The following FGFR3 variants were observed in gnomAD, a reference collection of about 807,000 sequenced individuals.
FGFR3 encodes the protein FGFR-3.
Under a neutral mutation model 82.9 loss-of-function variants are expected in FGFR3, and 25 were observed. The ratio of observed to expected loss-of-function variants is 0.30; its 90% confidence interval spans 0.22 to 0.42. The LOEUF is 0.42. FGFR3 is among the 10% of genes least tolerant of loss of function. The probability of loss-of-function intolerance (pLI) is 1.00; values close to 1 mark genes in which losing one functional copy is unlikely to be tolerated. For synonymous variants in FGFR3, 620 were observed against 516.0 expected (o/e 1.20, Z -2.73); for missense variants, 1,026 against 1,161.0 (o/e 0.88, Z 1.69).
Position 1,797,776 on chromosome 4 carries a change from C to G in FGFR3, c.110-1478C>G, listed in dbSNP as rs572268127. Among the ~76,000 whole-genome samples, 4 of 152,290 alleles carry G rather than the reference C, an allele frequency of 2.6e-5. 1 individual carries two copies. The highest frequency in any genetic ancestry group is 2.6e-4 in the Admixed American group (4 of 15,310). On this transcript the variant is annotated intron_variant, in intron 2 of 17. Coordinates refer to ENST00000440486, the MANE Select transcript of FGFR3 (RefSeq NM_000142.5). The stretch of plus-strand genomic sequence containing the variant: ...GCTGTGGGTCCCGGTGGGGCGAGGG[C>G]TCCTTCGGATGCTTCAGGGGATGAG...
At chr4:1,804,183 A>C (rs1384018865) in intron 8 of FGFR3, 147 bp from the exon 9 acceptor site, 2 of 916,238 alleles carry the variant, frequency 2.2e-6, no homozygotes, top group Admixed American at 5.1e-5. Context: ...GGCGTTACTG[A>C]CTGCGAGACC....
intron 2 of FGFR3, among the ~76,000 whole-genome samples, chr4:1,796,496 GTT>G (rs1720531765): frequency 1.3e-5 from 2 of 152,092 alleles, no homozygotes; most frequent in Non-Finnish European, 2.9e-5. Flanking sequence ...ACCAGAATGT[GTT>G]GTTTCCTGAC....
At chr4:1,793,619 C>G (rs1384890533) in intron 1 of FGFR3, among the ~76,000 whole-genome samples, 154 bp downstream of exon 1, 1 of 148,496 alleles carries the variant, frequency 6.7e-6, no homozygotes, top group Non-Finnish European at 1.5e-5. Context: ...CGCCGCCGCC[C>G]TGGGAGGGCT....
At chr4:1,795,229 G>A (rs1720344823) in intron 2 of FGFR3, among the ~76,000 whole-genome samples, 1 of 152,134 alleles carries the variant, frequency 6.6e-6, no homozygotes, top group Admixed American at 6.5e-5. Context: ...GGGCGGCCCC[G>A]CTTCCAGGGG....
chr4:1,805,142 C>T (rs909823105), intron 10 of FGFR3, among the ~76,000 whole-genome samples, 173 bp downstream of exon 10: 5 of 152,216 alleles, frequency 3.3e-5, no homozygotes, highest in African/African-American at 4.8e-5. Flanking sequence ...AGGGACTGCC[C>T]CTCTCAAGGT....
chr4:1,801,343 C>T, intron 4 of FGFR3, 24 bp from the exon 5 acceptor site: 1 of 1,546,858 alleles, frequency 6.5e-7, no homozygotes, highest in Non-Finnish European at 8.7e-7. Context: ...GGGTCATGGC[C>T]TTCACACGCA....
At chr4:1,798,722 G>A (rs774827713) in intron 2 of FGFR3, among the ~76,000 whole-genome samples, 13 of 152,096 alleles carry the variant, frequency 8.5e-5, no homozygotes, top group Non-Finnish European at 1.3e-4. Flanking sequence ...TACTGAGGAC[G>A]GACCCCTCCT....
Position 1,804,229 on chromosome 4 carries a change from C to A in FGFR3, c.1076-101C>A, listed in dbSNP as rs1019680629. On this transcript the variant is annotated intron_variant, in intron 8 of 17. Coordinates refer to ENST00000440486, the MANE Select transcript of FGFR3 (RefSeq NM_000142.5). ...GGCGCGTGCTGAGGTTCTGAGCCCCCTTCCGCTCCCAGTGGTGCCTGCGGC... is the reference window on the plus strand; with the variant it reads ...GGCGCGTGCTGAGGTTCTGAGCCCCATTCCGCTCCCAGTGGTGCCTGCGGC... 11 of 1,373,420 alleles carry A rather than the reference C, an allele frequency of 8.0e-6. No homozygotes were observed. The East Asian group carries it at 2.5e-4, about 32-fold the overall frequency. The allele number at this position is 1,373,420 out of a possible 1,614,324, so 85.1% of individuals were successfully genotyped here. A position where few individuals can be genotyped will look rare whatever the true frequency, so the allele number is the denominator to read the frequency against.
chr4:1,802,197 C>CA (rs1324170069), intron 7 of FGFR3, among the ~76,000 whole-genome samples, 172 bp downstream of exon 7: 4 of 152,184 alleles, frequency 2.6e-5, no homozygotes, highest in African/African-American at 9.7e-5. Flanking sequence ...ACCTCAGGGC[C>CA]ATAGGCAGCT....
intron 7 of FGFR3, among the ~76,000 whole-genome samples, chr4:1,802,747 C>T (rs530665269): frequency 6.6e-6 from 1 of 152,302 alleles, no homozygotes; most frequent in East Asian, 1.9e-4. Flanking sequence ...GACGTGCATC[C>T]TGTGAAACCA....
intron 2 of FGFR3, among the ~76,000 whole-genome samples, chr4:1,797,326 G>C (rs1171440208): frequency 6.6e-6 from 1 of 152,164 alleles, no homozygotes; most frequent in Non-Finnish European, 1.5e-5. Context: ...TCCTTCACCT[G>C]GTGCTCGCCA....
Position 1,808,770 on chromosome 4 carries a change from C to G in FGFR3, c.*1508C>G, listed in dbSNP as rs1480195354. On this transcript the variant is annotated 3_prime_UTR_variant, in exon 18 of 18. Transcript: ENST00000440486. Reference sequence around the variant, plus strand: ...GCTCAGGGTGGTCTCTTCTTGGGGCCCAGTGCATGGTGGCCAGAGGTGTCA... The same window carrying G: ...GCTCAGGGTGGTCTCTTCTTGGGGCGCAGTGCATGGTGGCCAGAGGTGTCA... 2 of 231,510 alleles carry G rather than the reference C, an allele frequency of 8.6e-6. No homozygotes were observed. Among genetic ancestry groups the G allele is most frequent in the Non-Finnish European group, 1.7e-5 (2 of 116,910 alleles). 14.3% of individuals were successfully genotyped at this position (231,510 alleles called of 1,614,324 possible).
At chr4:1,795,103 C>T (rs1311196958) in intron 2 of FGFR3, among the ~76,000 whole-genome samples, 3 of 151,642 alleles carry the variant, frequency 2.0e-5, no homozygotes, top group Non-Finnish European at 2.9e-5. Context: ...CTGCAGCCTC[C>T]CGGAACAATG....
Position 1,807,396 on chromosome 4 carries a change from T to A in FGFR3, c.*134T>A. The A allele has an allele frequency of 9.2e-7, 1 of 1,087,208 alleles. No individual in the cohort carries two copies. The highest frequency in any genetic ancestry group is 1.2e-6 in the Non-Finnish European group (1 of 800,886). 67.3% of individuals were successfully genotyped at this position (1,087,208 alleles called of 1,614,324 possible). A position where few individuals can be genotyped will look rare whatever the true frequency, so the allele number is the denominator to read the frequency against. ...CAGAGCTTTGGTCTGTGTGTGTGTGTGTGCGTGTGTGTGTGTGTGTGTGCA... is the reference window on the plus strand; with the variant it reads ...CAGAGCTTTGGTCTGTGTGTGTGTGAGTGCGTGTGTGTGTGTGTGTGTGCA... On this transcript the variant is annotated 3_prime_UTR_variant, in exon 18 of 18. Transcript: ENST00000440486.
rs770204082 is a variant in FGFR3, at chr4:1,803,702, C to T, written c.941C>T (p.Ala314Val). 6.2e-7 allele frequency: 1 copy of T among 1,613,730 alleles called. No individual in the cohort carries two copies. The change falls in exon 8 of 18, where the codon GCT becomes GTT. Residue 314 changes from alanine to valine, a missense_variant. Transcript: ENST00000440486. ...PYVTVLKTAGANTTDKELEVL... is the reference protein window; with the variant it reads ...PYVTVLKTAGVNTTDKELEVL... ...GCTCTCTCTTTGTAGACGGCGGGCG[C>T]TAACACCACCGACAAGGAGCTAGAG...
intron 2 of FGFR3, among the ~76,000 whole-genome samples, chr4:1,796,750 A>AC (rs1292583628): frequency 6.6e-6 from 1 of 152,100 alleles, no homozygotes; most frequent in Non-Finnish European, 1.5e-5. Context: ...TGCCTAATGG[A>AC]CATCAGTCTT....
At chr4:1,794,793 C>G (rs1018222719) in intron 2 of FGFR3, among the ~76,000 whole-genome samples, 1 of 151,904 alleles carries the variant, frequency 6.6e-6, no homozygotes, top group Admixed American at 6.6e-5. Context: ...GCTCCGGTGC[C>G]GCCGCCGCGT....
intron 4 of FGFR3, 42 bp from the exon 5 acceptor site, chr4:1,801,325 T>C: frequency 3.9e-6 from 6 of 1,539,932 alleles, no homozygotes; most frequent in Non-Finnish European, 5.2e-6. Context: ...GGGCCTCTGC[T>C]CCCACTCGGG....
chr4:1,801,571 C>G, intron 5 of FGFR3, 35 bp downstream of exon 5: 1 of 1,578,230 alleles, frequency 6.3e-7, no homozygotes, highest in Non-Finnish European at 8.6e-7. Context: ...GCCTGGCAGG[C>G]GCGGTGGTTG....
Sources: allele counts gnomAD v4.1 joint callset (sites outside exome capture counted in the v4.1 genomes callset), GRCh38; gene constraint gnomAD v4.1.1; transcripts MANE v1.5; gene names NCBI Gene and HGNC (gene_info 2026-07-23, HGNC 2026-07-21).